WDFY4: variants seen among roughly 807,000 people sequenced by gnomAD.
WDFY4 encodes WD repeat- and FYVE domain-containing protein 4.
WDFY4 carries 169 observed loss-of-function variants against 351.9 expected under a neutral mutation model. That is an observed-to-expected ratio of 0.48 (90% confidence interval 0.42 to 0.55). The LOEUF (loss-of-function observed/expected upper bound fraction) is 0.55, where lower values mean the gene tolerates loss of function less well. WDFY4 is among the 20% of genes least tolerant of loss of function. The pLI is 0.00. For missense variants in WDFY4, 3,803 were observed against 3,935.6 expected, an observed-to-expected ratio of 0.97 and a Z score of 0.90; for synonymous variants, 1,622 against 1,574.6, an observed-to-expected ratio of 1.03 and a Z score of -0.71.
chr10:48,710,401 A>G (rs1347725004), intron 2 of WDFY4, among the ~76,000 whole-genome samples: 2 of 152,202 alleles, frequency 1.3e-5, no homozygotes, highest in Non-Finnish European at 2.9e-5. Flanking sequence ...TTAAAATGTC[A>G]CTATATGAAT....
chr10:48,838,450 G>C (rs1361042268), intron 39 of WDFY4, among the ~76,000 whole-genome samples: 2 of 152,150 alleles, frequency 1.3e-5, no homozygotes, highest in Non-Finnish European at 2.9e-5. Flanking sequence ...ACAAGATGCT[G>C]ACTGAGGCCA....
At position 48,970,438 on chromosome 10, in the gene WDFY4, C is replaced by G. The variant is rs917444860; in HGVS notation, c.8928+149C>G. 6 of 1,165,984 alleles carry G rather than the reference C, an allele frequency of 5.1e-6. No homozygotes were observed. In the African/African-American group the frequency reaches 9.3e-5, roughly 18 times the overall value. The allele number at this position is 1,165,984 out of a possible 1,614,324, so 72.2% of individuals were successfully genotyped here. A position where few individuals can be genotyped will look rare whatever the true frequency, so the allele number is the denominator to read the frequency against. On this transcript the variant is annotated intron_variant, in intron 57 of 61. Transcript: ENST00000325239. ...CTGAGGGCCCTGCCACCCTCAGAAG[C>G]TAGGAATGAGCGAAGTGAGGTGCAG... is the stretch of plus-strand genomic sequence containing the variant.
At chr10:48,974,636 TC>T (rs1358268180) in intron 57 of WDFY4, among the ~76,000 whole-genome samples, 2 of 149,358 alleles carry the variant, frequency 1.3e-5, no homozygotes, top group Non-Finnish European at 3.0e-5. Context: ...AAATGGTTTC[TC>T]CCCAGCAGAG....
At chr10:48,714,873 T>C (rs553126752) in intron 2 of WDFY4, among the ~76,000 whole-genome samples, 78 of 152,324 alleles carry the variant, frequency 5.1e-4, no homozygotes, top group Middle Eastern at 6.8e-3. Context: ...GTGAATGGGC[T>C]CACACTCCTC....
intron 24 of WDFY4, among the ~76,000 whole-genome samples, chr10:48,800,622 G>C (rs2067035302): frequency 6.6e-6 from 1 of 152,074 alleles, no homozygotes; most frequent in African/African-American, 2.4e-5. Flanking sequence ...AGAAAGTTGA[G>C]AATCAGGGAG....
intron 43 of WDFY4, among the ~76,000 whole-genome samples, chr10:48,888,085 A>G (rs2070540902): frequency 6.6e-6 from 1 of 152,266 alleles, no homozygotes; most frequent in Admixed American, 6.5e-5. Flanking sequence ...AAGAATATGT[A>G]TAAACATGCT....
At chr10:48,888,579 A>G (rs1349360551) in intron 43 of WDFY4, among the ~76,000 whole-genome samples, 1 of 152,064 alleles carries the variant, frequency 6.6e-6, no homozygotes, top group Non-Finnish European at 1.5e-5. Flanking sequence ...TTCTGTTGCA[A>G]CCACAATAAA....
intron 27 of WDFY4, 95 bp downstream of exon 27, chr10:48,806,190 A>G (rs1169349164): frequency 1.6e-6 from 2 of 1,277,524 alleles, no homozygotes; most frequent in South Asian, 2.5e-5. Flanking sequence ...TAAGTAAGGA[A>G]GGGGAAGGCA....
At chr10:48,850,444 C>T (rs2068920033) in intron 39 of WDFY4, among the ~76,000 whole-genome samples, 1 of 152,058 alleles carries the variant, frequency 6.6e-6, no homozygotes, top group African/African-American at 2.4e-5. Context: ...CAAATGGTTC[C>T]AGCTTTTTTC....
At chr10:48,975,259 G>A in intron 58 of WDFY4, 1 of 678,428 alleles carries the variant, frequency 1.5e-6, no homozygotes, top group East Asian at 2.8e-5. Flanking sequence ...GTTGGGGACA[G>A]TGGGAAGTGT....
intron 14 of WDFY4, among the ~76,000 whole-genome samples, chr10:48,774,962 G>A (rs1470409993): frequency 6.6e-6 from 1 of 151,924 alleles, no homozygotes; most frequent in Non-Finnish European, 1.5e-5. Flanking sequence ...ACAAAGAGAG[G>A]AGGGAACTGG....
rs150200712 is a variant in WDFY4, at chr10:48,915,714, T to C, written c.7586+13851T>C. 2.2e-3 allele frequency among the ~76,000 whole-genome samples: 334 copies of C among 152,222 alleles called. 5 individuals carry two copies. The highest frequency in any genetic ancestry group is 0.016 in the East Asian group (83 of 5,176). On this transcript the variant is annotated intron_variant, in intron 47 of 61. Transcript: ENST00000325239. ...ACTGTCACCACTCATAGCTGAAGGG[T>C]CAGAGGGTCCTACCCTGCGAAAGGC...
At chr10:48,801,996 A>T (rs1031133658) in intron 24 of WDFY4, among the ~76,000 whole-genome samples, 1 of 151,610 alleles carries the variant, frequency 6.6e-6, no homozygotes, top group African/African-American at 2.4e-5. Context: ...ATTGACTTTG[A>T]AAACAGTCTC....
At chr10:48,686,364 A>G (rs951147710) in intron 1 of WDFY4, among the ~76,000 whole-genome samples, 2 of 151,646 alleles carry the variant, frequency 1.3e-5, no homozygotes, top group African/African-American at 2.4e-5. Context: ...TAGAAAGACC[A>G]TAATAAGATA....
intron 57 of WDFY4, among the ~76,000 whole-genome samples, chr10:48,973,007 T>C (rs1301538434): frequency 6.6e-6 from 1 of 152,214 alleles, no homozygotes; most frequent in Non-Finnish European, 1.5e-5. Flanking sequence ...AGGTGCTGGA[T>C]GCCTTGTGGT....
intron 17 of WDFY4, 60 bp downstream of exon 17, chr10:48,777,555 T>C: frequency 6.9e-7 from 1 of 1,450,338 alleles, no homozygotes; most frequent in South Asian, 1.2e-5. Context: ...AGTCTTCAGA[T>C]AGCCTTGATT....
chr10:48,958,361 C>T (rs545818544), intron 52 of WDFY4, among the ~76,000 whole-genome samples: 1 of 152,148 alleles, frequency 6.6e-6, no homozygotes, highest in East Asian at 1.9e-4. Context: ...GTGAGGAGTC[C>T]CACAGCAGGA....
intron 23 of WDFY4, among the ~76,000 whole-genome samples, chr10:48,793,941 T>A (rs2066766989): frequency 1.3e-5 from 2 of 151,996 alleles, no homozygotes; most frequent in Admixed American, 1.3e-4. Flanking sequence ...GCCAGCTGAG[T>A]TTTATAGGAT....
In WDFY4 at chr10:48,942,322, G is replaced by A. The variant is rs370836388; in HGVS notation, c.7629+474G>A. On this transcript the variant is annotated intron_variant, in intron 48 of 61. Transcript: ENST00000325239. ...TCAGACATTTCCCTGACCAGATGTC[G>A]GTGATGGAGTACAAATCTTGCACAT... is the stretch of plus-strand genomic sequence containing the variant. Among the ~76,000 whole-genome samples the A allele has an allele frequency of 7.2e-5, 11 of 152,286 alleles. No individual in the cohort carries two copies. The East Asian group carries it at 7.7e-4, about 11-fold the overall frequency.
Sources: allele counts gnomAD v4.1 joint callset (sites outside exome capture counted in the v4.1 genomes callset), GRCh38; gene constraint gnomAD v4.1.1; transcripts MANE v1.5; gene names NCBI Gene and HGNC (gene_info 2026-07-23, HGNC 2026-07-21).